The following GALNT13 variants were observed in gnomAD, a reference collection of about 807,000 sequenced individuals.
The protein encoded by GALNT13 is polypeptide N-acetylgalactosaminyltransferase 13.
GALNT13 carries 28 observed loss-of-function variants against 64.2 expected under a neutral mutation model. The observed-to-expected ratio is 0.44, with a 90% confidence interval of 0.32 to 0.60. The LOEUF is 0.60. Among genes scored for constraint, GALNT13 ranks in the 20% least tolerant of loss-of-function variants. The pLI is 0.05. For synonymous variants in GALNT13, 214 were observed against 224.6 expected (o/e 0.95, Z 0.42); for missense variants, 577 against 669.8 (o/e 0.86, Z 1.53).
intron 4 of GALNT13, among the ~76,000 whole-genome samples, chr2:154,187,369 AAC>A (rs10578569): frequency 0.052 from 7,259 of 140,204 alleles, 205 homozygotes; most frequent in South Asian, 0.085. Context: ...GATAGGAGAA[AAC>A]ACACACACAC....
chr2:153,951,022 T>A (rs1692141202), intron 3 of GALNT13, among the ~76,000 whole-genome samples: 1 of 152,056 alleles, frequency 6.6e-6, no homozygotes, highest in East Asian at 1.9e-4. Context: ...ATGTAGTATT[T>A]AAAAATATAG....
chr2:154,063,331 G>C (rs80004717), intron 3 of GALNT13, among the ~76,000 whole-genome samples: 1 of 152,154 alleles, frequency 6.6e-6, no homozygotes, highest in African/African-American at 2.4e-5. Flanking sequence ...TTGTCTTTTA[G>C]GGACTGATTT....
In GALNT13 at chr2:154,033,465, T is replaced by C. The variant is rs1048701439; in HGVS notation, c.142+88826T>C. Among the ~76,000 whole-genome samples, 25 of 151,930 alleles carry C rather than the reference T, an allele frequency of 1.6e-4. 1 individual carries two copies. The highest frequency in any genetic ancestry group is 7.4e-5 in the Non-Finnish European group (5 of 67,982). ...TATATAAAGAACTCATACAACTCAA[T>C]AATAATTAAAAACTATCTAATTAAA... On this transcript the variant is annotated intron_variant, in intron 3 of 12. Transcript: ENST00000392825.
At chr2:154,295,125 A>G (rs1474019857) in intron 8 of GALNT13, among the ~76,000 whole-genome samples, 1 of 152,138 alleles carries the variant, frequency 6.6e-6, no homozygotes, top group Admixed American at 6.5e-5. Flanking sequence ...GCTAATCCAT[A>G]TTTATAGAAA....
intron 2 of GALNT13, among the ~76,000 whole-genome samples, chr2:153,916,449 G>A (rs1335914335): frequency 1.3e-5 from 2 of 152,066 alleles, no homozygotes; most frequent in Non-Finnish European, 2.9e-5. Context: ...AAGTCACTGT[G>A]CCCAGCCTAG....
chr2:153,492,735 A>G, the GALNT13 span, among the ~76,000 whole-genome samples: 2 of 152,202 alleles, frequency 1.3e-5, no homozygotes, highest in South Asian at 2.1e-4. Flanking sequence ...ACCCTCAGCA[A>G]TTGCAGAATA....
the GALNT13 span, among the ~76,000 whole-genome samples, chr2:153,092,818 CCTCT>C: frequency 6.6e-6 from 1 of 152,130 alleles, no homozygotes; most frequent in Admixed American, 6.5e-5. Flanking sequence ...ATTTTAATTT[CCTCT>C]CTTTCACTTT....
chr2:153,130,878 G>A, the GALNT13 span, among the ~76,000 whole-genome samples: 3 of 152,180 alleles, frequency 2.0e-5, no homozygotes, highest in African/African-American at 7.2e-5. Context: ...AGCTGAGGCT[G>A]CAAAATAAAT....
chr2:154,166,533 A>T (rs1016378753), intron 4 of GALNT13, among the ~76,000 whole-genome samples: 4 of 152,358 alleles, frequency 2.6e-5, no homozygotes, highest in African/African-American at 7.2e-5. Context: ...TTGGTAGGAC[A>T]GTAAACTAGT....
chr2:154,271,898 T>A (rs1364604506), intron 8 of GALNT13, among the ~76,000 whole-genome samples: 1 of 151,840 alleles, frequency 6.6e-6, no homozygotes, highest in African/African-American at 2.4e-5. Context: ...GATGTCTCTA[T>A]AAAAATAAAT....
At chr2:154,107,588 CAA>C (rs145286349) in intron 3 of GALNT13, among the ~76,000 whole-genome samples, 11 of 72,260 alleles carry the variant, frequency 1.5e-4, no homozygotes, top group Non-Finnish European at 2.3e-4. Context: ...GACTACATCA[CAA>C]AAAAAAAAAA....
intron 9 of GALNT13, among the ~76,000 whole-genome samples, chr2:154,354,260 A>G (rs554045781): frequency 1.3e-5 from 2 of 152,142 alleles, no homozygotes; most frequent in African/African-American, 2.4e-5. Flanking sequence ...TTTTTCTGCT[A>G]TTGAGTTGTG....
At chr2:153,851,498 C>G in the GALNT13 span, among the ~76,000 whole-genome samples, 1 of 151,458 alleles carries the variant, frequency 6.6e-6, no homozygotes, top group Non-Finnish European at 1.5e-5. Context: ...GCCAGGAGTT[C>G]CTAGGCCATC....
At chr2:153,715,460 G>A in the GALNT13 span, among the ~76,000 whole-genome samples, 1 of 152,224 alleles carries the variant, frequency 6.6e-6, no homozygotes, top group Non-Finnish European at 1.5e-5. Context: ...CTGGTGCATT[G>A]CCTTTTAGCA....
chr2:153,179,340 T>A, the GALNT13 span, among the ~76,000 whole-genome samples: 1 of 152,228 alleles, frequency 6.6e-6, no homozygotes, highest in East Asian at 1.9e-4. Flanking sequence ...CTTGGCACCT[T>A]TATTGAAAAT....
At chr2:153,649,844 T>C in the GALNT13 span, among the ~76,000 whole-genome samples, 1 of 152,268 alleles carries the variant, frequency 6.6e-6, no homozygotes, top group Middle Eastern at 3.4e-3. Context: ...TTGTTATAAT[T>C]TCTGTTCTTT....
Position 154,382,306 on chromosome 2 carries a change from G to T in GALNT13, c.1157-13685G>T, listed in dbSNP as rs115496195. 8.3e-3 allele frequency among the ~76,000 whole-genome samples: 1,263 copies of T among 152,122 alleles called. 9 individuals carry two copies. Among genetic ancestry groups the T allele is most frequent in the Non-Finnish European group, 0.014 (971 of 67,940 alleles). ...CAGAGAACTAGACTATTATGTAGAA[G>T]AATATTTTAGCATCACAATAGTACA... On this transcript the variant is annotated intron_variant, in intron 9 of 12. Coordinates refer to ENST00000392825, the MANE Select transcript of GALNT13 (RefSeq NM_052917.4).
In GALNT13 at chr2:154,242,054, T is replaced by G. The variant is rs1285440018; in HGVS notation, c.336T>G (p.Asp112Glu). 4 of 1,606,820 alleles carry G rather than the reference T, an allele frequency of 2.5e-6. No homozygotes were observed. The highest frequency in any genetic ancestry group is 1.7e-5 in the Admixed American group (1 of 58,916). ...LEGCKTKVYPDELPNTSVVIV... is the reference protein window; with the variant it reads ...LEGCKTKVYPEELPNTSVVIV... ...GATGTAAGACAAAAGTCTACCCTGA[T>G]GAACTTCCAAACACAAGTGTAGTCA... The change falls in exon 5 of 13, where the codon GAT (aspartate) becomes GAG (glutamate). Residue 112 changes from aspartate to glutamate, a missense_variant. Coordinates refer to ENST00000392825, the MANE Select transcript of GALNT13 (RefSeq NM_052917.4).
At chr2:154,212,710 T>TC (rs1483079175) in intron 4 of GALNT13, among the ~76,000 whole-genome samples, 3 of 151,592 alleles carry the variant, frequency 2.0e-5, no homozygotes, top group African/African-American at 4.9e-5. Context: ...CCCTCCTTCT[T>TC]CCCCCCATCC....
Sources: allele counts gnomAD v4.1 joint callset (sites outside exome capture counted in the v4.1 genomes callset), GRCh38; gene constraint gnomAD v4.1.1; transcripts MANE v1.5; gene names NCBI Gene and HGNC (gene_info 2026-07-23, HGNC 2026-07-21).